The following PTPRD variants were observed in gnomAD, a reference collection of about 807,000 sequenced individuals.
The protein encoded by PTPRD is receptor-type tyrosine-protein phosphatase delta.
PTPRD carries 34 observed loss-of-function variants against 214.5 expected under a neutral mutation model. That is an observed-to-expected ratio of 0.16 (90% confidence interval 0.12 to 0.21). PTPRD has a LOEUF of 0.21. PTPRD is among the 10% of genes least tolerant of loss of function. The pLI, the probability that PTPRD is intolerant of heterozygous loss-of-function variation, is 1.00. For synonymous variants in PTPRD, 1,128 were observed against 845.7 expected, an observed-to-expected ratio of 1.33 and a Z score of -5.79; for missense variants, 2,545 against 2,398.7, an observed-to-expected ratio of 1.06 and a Z score of -1.27.
At chr9:9,624,588 G>C (rs1313777899) in intron 7 of PTPRD, among the ~76,000 whole-genome samples, 1 of 151,792 alleles carries the variant, frequency 6.6e-6, no homozygotes, top group African/African-American at 2.4e-5. Flanking sequence ...GTACCTGGCC[G>C]TATTTTGGTA....
At position 10,321,081 on chromosome 9, in the gene PTPRD, G is replaced by A. The variant is rs148517807; in HGVS notation, c.-545+19882C>T. Among the ~76,000 whole-genome samples the A allele has an allele frequency of 4.5e-3, 684 of 152,074 alleles. 8 individuals carry two copies. The highest frequency in any genetic ancestry group is 0.016 in the African/African-American group (646 of 41,506). ...ATTGGCTAAAATTTACACACTGGGT[G>A]GAAAACAAGATAGCCTCCATTCTCA... On this transcript the variant is annotated intron_variant, in intron 3 of 45. Transcript: ENST00000381196.
intron 4 of PTPRD, among the ~76,000 whole-genome samples, chr9:10,024,696 C>T (rs10755998): frequency 0.54 from 81,105 of 149,830 alleles, 22,893 homozygotes; most frequent in South Asian, 0.65. Context: ...TTGTTACATA[C>T]GTATACATGT....
At position 9,742,717 on chromosome 9, in the gene PTPRD, T is replaced by C. The variant is rs1468611228; in HGVS notation, c.-325-8146A>G. On this transcript the variant is annotated intron_variant, in intron 6 of 45. Coordinates refer to ENST00000381196, the MANE Select transcript of PTPRD (RefSeq NM_002839.4). ...TCAAATATGTAACACAAGACTTTTA[T>C]ACCTAGACCTTAGTGTTTCCACTTA... Among the ~76,000 whole-genome samples the C allele has an allele frequency of 3.3e-5, 5 of 152,286 alleles. No homozygotes were observed. In the East Asian group the frequency reaches 9.7e-4, roughly 29 times the overall value.
Position 8,684,509 on chromosome 9 carries a change from G to A in PTPRD, c.65-47665C>T, listed in dbSNP as rs141626772. On this transcript the variant is annotated intron_variant, in intron 12 of 45. Transcript: ENST00000381196. ...TCCCCTACAAGTTCACACTGCAGAG[G>A]AAATCATGTGACTAAGGTCTCAGTT... 3.1e-3 allele frequency among the ~76,000 whole-genome samples: 467 copies of A among 152,196 alleles called. 2 individuals carry two copies. The highest frequency in any genetic ancestry group is 0.011 in the African/African-American group (448 of 41,526).
intron 11 of PTPRD, among the ~76,000 whole-genome samples, chr9:8,979,633 A>C (rs77516767): frequency 0.019 from 2,841 of 152,224 alleles, 87 homozygotes; most frequent in African/African-American, 0.064. Context: ...ATTATATGAA[A>C]AGTTGCTCAA....
intron 19 of PTPRD, 112 bp from the exon 20 acceptor site, chr9:8,521,658 T>C (rs960776769): frequency 8.7e-6 from 11 of 1,268,918 alleles, no homozygotes; most frequent in African/African-American, 1.5e-5. Context: ...ACATTGTGGA[T>C]TGTCCAAAAA....
At chr9:8,938,313 G>C (rs575442113) in intron 11 of PTPRD, among the ~76,000 whole-genome samples, 1 of 152,022 alleles carries the variant, frequency 6.6e-6, no homozygotes, top group Non-Finnish European at 1.5e-5. Context: ...GAAGAGAGAA[G>C]AGGAGAGAAC....
intron 39 of PTPRD, among the ~76,000 whole-genome samples, chr9:8,358,692 G>A (rs527306752): frequency 6.6e-6 from 1 of 152,148 alleles, no homozygotes; most frequent in South Asian, 2.1e-4. Context: ...TTTTAATTCA[G>A]TTAGCCTAAC....
chr9:8,356,256 T>G (rs894771306), intron 39 of PTPRD, among the ~76,000 whole-genome samples: 5 of 152,068 alleles, frequency 3.3e-5, no homozygotes, highest in African/African-American at 1.2e-4. Flanking sequence ...TCAGATACCA[T>G]GTAATAAGAC....
chr9:9,163,672 C>A (rs1459241261), intron 10 of PTPRD, among the ~76,000 whole-genome samples: 1 of 152,084 alleles, frequency 6.6e-6, no homozygotes, highest in Non-Finnish European at 1.5e-5. Flanking sequence ...TAAAGCTGTC[C>A]TACTGCCCTT....
At chr9:9,357,726 A>ACG (rs1555290880) in intron 9 of PTPRD, among the ~76,000 whole-genome samples, 1 of 92,730 alleles carries the variant, frequency 1.1e-5, no homozygotes, top group Admixed American at 1.2e-4. Flanking sequence ...AAAAAAAAAA[A>ACG]TGACACAGTT....
intron 36 of PTPRD, among the ~76,000 whole-genome samples, chr9:8,396,811 A>G (rs920141473): frequency 6.6e-6 from 1 of 152,168 alleles, no homozygotes; most frequent in African/African-American, 2.4e-5. Flanking sequence ...GAAAGACTGC[A>G]AGCAACCTGT....
chr9:8,606,799 G>T (rs913585479), intron 14 of PTPRD, among the ~76,000 whole-genome samples: 3 of 152,180 alleles, frequency 2.0e-5, no homozygotes, highest in Admixed American at 6.5e-5. Context: ...CACATTTTAA[G>T]TTACAGAAAC....
chr9:10,483,822 C>T (rs539471501), intron 2 of PTPRD, among the ~76,000 whole-genome samples: 22 of 152,068 alleles, frequency 1.4e-4, no homozygotes, highest in African/African-American at 3.4e-4. Flanking sequence ...AACACACTGC[C>T]GGTGAGAATG....
intron 7 of PTPRD, among the ~76,000 whole-genome samples, chr9:9,688,550 TAGTA>T (rs896251301): frequency 4.6e-4 from 70 of 151,930 alleles, no homozygotes; most frequent in African/African-American, 1.6e-3. Context: ...CAGTCATAAA[TAGTA>T]GAACCCTGCA....
At chr9:9,871,291 C>T (rs2065346163) in intron 5 of PTPRD, among the ~76,000 whole-genome samples, 1 of 152,004 alleles carries the variant, frequency 6.6e-6, no homozygotes, top group South Asian at 2.1e-4. Context: ...AACAGTAAGA[C>T]CAAAAGGGTA....
At chr9:8,344,695 T>C (rs1855857232) in intron 39 of PTPRD, among the ~76,000 whole-genome samples, 1 of 152,008 alleles carries the variant, frequency 6.6e-6, no homozygotes, top group Non-Finnish European at 1.5e-5. Flanking sequence ...GATTTAAACA[T>C]TAAATAAGTG....
chr9:10,319,558 T>G (rs1472942220), intron 3 of PTPRD, among the ~76,000 whole-genome samples: 1 of 152,060 alleles, frequency 6.6e-6, no homozygotes, highest in Non-Finnish European at 1.5e-5. Context: ...ATCTCTTTCT[T>G]TCAATTAGTT....
At position 9,643,097 on chromosome 9, in the gene PTPRD, G is replaced by A. The variant is rs563658867; in HGVS notation, c.-286-68316C>T. 1.8e-3 allele frequency among the ~76,000 whole-genome samples: 271 copies of A among 152,248 alleles called. 1 individual carries two copies. Among genetic ancestry groups the A allele is most frequent in the African/African-American group, 5.9e-3 (246 of 41,544 alleles). On this transcript the variant is annotated intron_variant, in intron 7 of 45. Transcript: ENST00000381196. ...AGAGAGGGAGAGAGAGATTTGAGTT[G>A]GTAGATTATGAATGCAGCTAAGAAA...
Sources: allele counts gnomAD v4.1 joint callset (sites outside exome capture counted in the v4.1 genomes callset), GRCh38; gene constraint gnomAD v4.1.1; transcripts MANE v1.5; gene names NCBI Gene and HGNC (gene_info 2026-07-23, HGNC 2026-07-21).